The following RIPOR2 variants were observed in gnomAD, a reference collection of about 807,000 sequenced individuals.
The protein encoded by RIPOR2 is RHO family interacting cell polarization regulator 2.
Under a neutral mutation model 114.5 loss-of-function variants are expected in RIPOR2, and 39 were observed. That is an observed-to-expected ratio of 0.34 (90% confidence interval 0.26 to 0.44). RIPOR2 has a LOEUF of 0.44. Ranked by LOEUF, RIPOR2 falls within the 20% of genes least tolerant of loss-of-function variation. RIPOR2 has a pLI of 1.00. For missense variants in RIPOR2, 1,007 were observed against 1,255.1 expected, an observed-to-expected ratio of 0.80 and a Z score of 2.99; for synonymous variants, 445 against 484.4, an observed-to-expected ratio of 0.92 and a Z score of 1.07.
In RIPOR2 at chr6:24,828,142, C is replaced by T. The variant is rs147575554; in HGVS notation, c.2660G>A (p.Arg887Lys). The change falls in exon 18 of 22, where the codon AGG becomes AAG. Residue 887 changes from arginine to lysine, a missense_variant. Physicochemically the swap from Arg to Lys is conservative, Grantham distance 26 (BLOSUM62 2). Transcript: ENST00000643898. ...GACAAAAGAACATGTCCCACCTTGC[C>T]TGGCCAGCTGGCTCAGGTAACTCTC... ...DLESYLSQLA[R>K]QVSMVQTLQS... The T allele has an allele frequency of 7.8e-6, 12 of 1,546,182 alleles. No individual in the cohort carries two copies. The highest frequency in any genetic ancestry group is 1.0e-5 in the Non-Finnish European group (12 of 1,143,888).
chr6:24,968,001 C>T (rs1425195839), intron 1 of RIPOR2, among the ~76,000 whole-genome samples: 1 of 151,256 alleles, frequency 6.6e-6, no homozygotes, highest in Non-Finnish European at 1.5e-5. Context: ...CAACCTCCGC[C>T]TCCCAGGTTT....
intron 1 of RIPOR2, among the ~76,000 whole-genome samples, chr6:24,964,335 T>G (rs936903706): frequency 2.6e-5 from 4 of 152,210 alleles, no homozygotes; most frequent in African/African-American, 9.7e-5. Flanking sequence ...TGGCAACTCC[T>G]AACCTGTTAT....
chr6:25,022,905 A>T (rs1181936065), intron 1 of RIPOR2, among the ~76,000 whole-genome samples: 1 of 152,174 alleles, frequency 6.6e-6, no homozygotes, highest in Non-Finnish European at 1.5e-5. Context: ...AAGACAGGTG[A>T]AGACAGGAAA....
At chr6:24,889,042 A>C (rs1218922927) in intron 1 of RIPOR2, among the ~76,000 whole-genome samples, 1 of 152,232 alleles carries the variant, frequency 6.6e-6, no homozygotes, top group African/African-American at 2.4e-5. Flanking sequence ...ACACTTTAAA[A>C]AGCAGCACTT....
intron 1 of RIPOR2, among the ~76,000 whole-genome samples, chr6:25,000,651 T>C (rs1296699652): frequency 6.6e-6 from 1 of 152,118 alleles, no homozygotes; most frequent in Non-Finnish European, 1.5e-5. Context: ...TTCCTTTTTT[T>C]TTTCTTCCCG....
At chr6:25,023,945 C>G in intron 1 of RIPOR2, 1 of 727,250 alleles carries the variant, frequency 1.4e-6, no homozygotes, top group East Asian at 2.7e-5. Flanking sequence ...ATGAGGTTCT[C>G]GTCCATGTTC....
At chr6:24,930,726 G>A (rs1481350219) in intron 1 of RIPOR2, among the ~76,000 whole-genome samples, 1 of 152,152 alleles carries the variant, frequency 6.6e-6, no homozygotes, top group Non-Finnish European at 1.5e-5. Flanking sequence ...TCCAACTAAA[G>A]CATTTATCCA....
At chr6:24,825,532 T>G in intron 18 of RIPOR2, 104 bp from the exon 19 acceptor site, 1 of 770,498 alleles carries the variant, frequency 1.3e-6, no homozygotes, top group South Asian at 1.7e-5. Flanking sequence ...TATAGTATAG[T>G]AACTCCAATA....
At chr6:24,844,197 AC>A (rs2113740826) in intron 12 of RIPOR2, among the ~76,000 whole-genome samples, 1 of 152,308 alleles carries the variant, frequency 6.6e-6, no homozygotes, top group East Asian at 1.9e-4. Flanking sequence ...CAGGAGGCAA[AC>A]CCCAGGGCTC....
intron 1 of RIPOR2, among the ~76,000 whole-genome samples, chr6:25,016,477 C>T (rs1283373284): frequency 6.6e-6 from 1 of 152,176 alleles, no homozygotes; most frequent in African/African-American, 2.4e-5. Flanking sequence ...GTTTTCATGA[C>T]ATTTGTTACT....
chr6:24,930,578 C>T (rs1771308434), intron 1 of RIPOR2, among the ~76,000 whole-genome samples: 1 of 152,084 alleles, frequency 6.6e-6, no homozygotes, highest in African/African-American at 2.4e-5. Flanking sequence ...TGGCACCAGC[C>T]AAAGAAAGCT....
rs567181731 is a variant in RIPOR2 at position 25,036,208 on chromosome 6, G to A, written c.76+5643C>T. On this transcript the variant is annotated intron_variant, in intron 1 of 13. Transcript: ENST00000510784. Reference sequence around the variant, plus strand: ...GTCACATTGACACTGGGAGGAAGTCGCCAGTGGTATCTCTGAGACAGCAGA... The same window carrying A: ...GTCACATTGACACTGGGAGGAAGTCACCAGTGGTATCTCTGAGACAGCAGA... Among the ~76,000 whole-genome samples the A allele has an allele frequency of 1.1e-3, 161 of 152,278 alleles. 1 individual carries two copies. Among genetic ancestry groups the A allele is most frequent in the African/African-American group, 3.6e-3 (148 of 41,552 alleles).
intron 1 of RIPOR2, among the ~76,000 whole-genome samples, chr6:24,995,517 C>T (rs1483674394): frequency 6.6e-6 from 1 of 152,228 alleles, no homozygotes; most frequent in African/African-American, 2.4e-5. Context: ...CCCTTCTACA[C>T]AGTTTGTCAT....
chr6:25,027,603 G>A (rs1581977600), intron 1 of RIPOR2, among the ~76,000 whole-genome samples: 1 of 152,244 alleles, frequency 6.6e-6, no homozygotes, highest in South Asian at 2.1e-4. Flanking sequence ...GGGGATGAGA[G>A]GGGCATCTTC....
intron 1 of RIPOR2, among the ~76,000 whole-genome samples, chr6:24,912,458 GC>G (rs34377259): frequency 0.02 from 2,640 of 130,244 alleles, 58 homozygotes; most frequent in African/African-American, 0.062. Context: ...AAGATCCCTT[GC>G]CCCCCCCCTT....
intron 1 of RIPOR2, among the ~76,000 whole-genome samples, chr6:24,887,779 C>A (rs1766969627): frequency 1.3e-5 from 2 of 152,102 alleles, no homozygotes; most frequent in Admixed American, 6.6e-5. Context: ...TAATTGACAC[C>A]ATTTTAGCCC....
intron 1 of RIPOR2, among the ~76,000 whole-genome samples, chr6:24,881,734 T>C (rs1203270045): frequency 6.6e-6 from 1 of 152,202 alleles, no homozygotes. Context: ...CACTGGACTT[T>C]GGTGGATGCT....
intron 1 of RIPOR2, among the ~76,000 whole-genome samples, chr6:25,006,376 A>G (rs1775563034): frequency 6.6e-6 from 1 of 152,242 alleles, no homozygotes; most frequent in South Asian, 2.1e-4. Context: ...CTTATAGTCT[A>G]CAGGGGAAGA....
chr6:24,865,919 A>G (rs904301744), intron 6 of RIPOR2, among the ~76,000 whole-genome samples: 2 of 152,176 alleles, frequency 1.3e-5, no homozygotes, highest in Admixed American at 1.3e-4. Flanking sequence ...CAAACACTGA[A>G]AGGGTTTGTA....
Sources: allele counts gnomAD v4.1 joint callset (sites outside exome capture counted in the v4.1 genomes callset), GRCh38; gene constraint gnomAD v4.1.1; transcripts MANE v1.5; gene names NCBI Gene and HGNC (gene_info 2026-07-23, HGNC 2026-07-21).